Variants in SLC5A12 observed in about 807,000 individuals in gnomAD.
The protein encoded by SLC5A12 is sodium-coupled monocarboxylate transporter 2.
SLC5A12 carries 46 observed loss-of-function variants against 72.7 expected under a neutral mutation model. That is an observed-to-expected ratio of 0.63 (90% confidence interval 0.50 to 0.81). The LOEUF (loss-of-function observed/expected upper bound fraction) is 0.81, where lower values mean the gene tolerates loss of function less well. Among genes scored for constraint, SLC5A12 ranks in the 30% least tolerant of loss-of-function variants. SLC5A12 has a pLI of 0.00. For missense variants in SLC5A12, 683 were observed against 740.7 expected (o/e 0.92, Z 0.90); for synonymous variants, 275 against 264.4 (o/e 1.04, Z -0.39).
rs143310083 is a variant in SLC5A12 at position 26,708,886 on chromosome 11, G to A, written c.525+426C>T. Among the ~76,000 whole-genome samples the A allele has an allele frequency of 2.2e-4, 34 of 152,130 alleles. No homozygotes were observed. In the East Asian group the frequency reaches 6.6e-3, roughly 29 times the overall value. On this transcript the variant is annotated intron_variant, in intron 4 of 14. Coordinates refer to ENST00000396005, the MANE Select transcript of SLC5A12 (RefSeq NM_178498.4). ...GTGAAATCCTCAAGTTTATAAAATA[G>A]CAGCCATCACTGCTCACTTGTATGT... is the stretch of plus-strand genomic sequence containing the variant.
intron 6 of SLC5A12, among the ~76,000 whole-genome samples, chr11:26,700,823 A>G (rs1004790605): frequency 6.6e-6 from 1 of 152,240 alleles, no homozygotes; most frequent in Non-Finnish European, 1.5e-5. Flanking sequence ...TTTGGTGACT[A>G]ATCACATTTC....
intron 4 of SLC5A12, among the ~76,000 whole-genome samples, chr11:26,707,103 AAC>A (rs778067380): frequency 1.8e-4 from 28 of 151,934 alleles, no homozygotes; most frequent in Admixed American, 2.6e-4. Flanking sequence ...TTTTATCAAA[AAC>A]ACAATTATGA....
At chr11:26,685,016 A>G (rs1434086621) in intron 10 of SLC5A12, among the ~76,000 whole-genome samples, 1 of 152,226 alleles carries the variant, frequency 6.6e-6, no homozygotes, top group Non-Finnish European at 1.5e-5. Flanking sequence ...TGAAGGGATT[A>G]CAAAGCATCT....
At chr11:26,674,065 T>A (rs1051431307) in intron 13 of SLC5A12, among the ~76,000 whole-genome samples, 1 of 152,146 alleles carries the variant, frequency 6.6e-6, no homozygotes, top group Non-Finnish European at 1.5e-5. Context: ...CCTTTTCCCT[T>A]CCTTGAAACA....
intron 13 of SLC5A12, among the ~76,000 whole-genome samples, chr11:26,675,181 A>G (rs905999535): frequency 4.6e-5 from 7 of 152,142 alleles, no homozygotes; most frequent in African/African-American, 1.4e-4. Flanking sequence ...ATCATCAAAC[A>G]CTCCAACAAA....
chr11:26,677,380 A>G (rs549394922), intron 13 of SLC5A12, among the ~76,000 whole-genome samples: 1 of 152,302 alleles, frequency 6.6e-6, no homozygotes, highest in South Asian at 2.1e-4. Context: ...TGGTGCACAC[A>G]TGGAAAATAT....
chr11:26,707,263 C>T (rs1484022692), intron 4 of SLC5A12, among the ~76,000 whole-genome samples: 1 of 151,862 alleles, frequency 6.6e-6, no homozygotes, highest in South Asian at 2.1e-4. Context: ...ATTTGCTGTT[C>T]TACAGTTTCA....
At chr11:26,719,628 G>T (rs1590745513) in intron 1 of SLC5A12, among the ~76,000 whole-genome samples, 1 of 152,148 alleles carries the variant, frequency 6.6e-6, no homozygotes, top group South Asian at 2.1e-4. Context: ...TCCTTTTCTA[G>T]GGCCTTTGCA....
At chr11:26,702,260 C>T (rs867027177) in intron 6 of SLC5A12, among the ~76,000 whole-genome samples, 20 of 152,190 alleles carry the variant, frequency 1.3e-4, no homozygotes, top group East Asian at 3.9e-4. Flanking sequence ...ATTGATGGAA[C>T]GCCAGATAAT....
chr11:26,694,392 C>A (rs1288812003), intron 8 of SLC5A12, among the ~76,000 whole-genome samples: 1 of 152,100 alleles, frequency 6.6e-6, no homozygotes, highest in African/African-American at 2.4e-5. Flanking sequence ...AGCCATATTT[C>A]TCCAGTCTGG....
intron 6 of SLC5A12, among the ~76,000 whole-genome samples, chr11:26,701,932 TAA>T (rs1854966995): frequency 6.6e-6 from 1 of 152,128 alleles, no homozygotes; most frequent in Admixed American, 6.5e-5. Context: ...GAAAAATGAT[TAA>T]AAAGACACAT....
chr11:26,709,359 C>G lies in SLC5A12; in HGVS notation c.478G>C (p.Gly160Arg). 1.2e-6 allele frequency: 2 copies of G among 1,610,850 alleles called. No individual in the cohort carries two copies. The highest frequency in any genetic ancestry group is 1.1e-5 in the South Asian group (1 of 90,728). The change falls in exon 4 of 15, where the codon GGC becomes CGC. Residue 160 changes from glycine (G) to arginine (R), a missense_variant. Physicochemically the swap from Gly to Arg is moderately radical, Grantham distance 125 (BLOSUM62 -2). Transcript: ENST00000396005. The part of the protein sequence containing the change: ...LNQVTGFDLW[G>R]SVFATGIVCT... ...ACAATTCCTGTTGCAAACACAGAGC[C>G]CCAGAGATCAAACCCAGTCACTAGG...
In SLC5A12 at chr11:26,721,927, G is replaced by A. The variant is rs560711826; in HGVS notation, c.-213C>T. The A allele has an allele frequency of 2.9e-5, 16 of 553,238 alleles. No individual in the cohort carries two copies. Among genetic ancestry groups the A allele is most frequent in the African/African-American group, 2.5e-4 (13 of 53,018 alleles). 34.3% of individuals were successfully genotyped at this position (553,238 alleles called of 1,614,324 possible). On this transcript the variant is annotated 5_prime_UTR_variant, in exon 1 of 15. Transcript: ENST00000396005. ...AGTTGACTTCAAAGAAGAATCTGGT[G>A]GTGGTATTGGCACCAAGAGATGAGA...
At chr11:26,704,023 A>T in intron 4 of SLC5A12, 76 bp from the exon 5 acceptor site, 1 of 1,441,982 alleles carries the variant, frequency 6.9e-7, no homozygotes, top group East Asian at 2.3e-5. Context: ...CTCTCTGCTA[A>T]TGCATGCATG....
chr11:26,686,846 G>T (rs1854547629), intron 9 of SLC5A12, among the ~76,000 whole-genome samples: 1 of 152,176 alleles, frequency 6.6e-6, no homozygotes, highest in Non-Finnish European at 1.5e-5. Context: ...ATGAAAATGT[G>T]GGAGAGGTCC....
At position 26,680,372 on chromosome 11, in the gene SLC5A12, C is replaced by CATATATATGTATATATATGT. The variant is rs1355114455; in HGVS notation, c.1475+682_1475+683insACATATATATACATATATAT. Among the ~76,000 whole-genome samples, 191 of 83,572 alleles carry CATATATATGTATATATATGT rather than the reference C, an allele frequency of 2.3e-3. 2 individuals carry two copies. The highest frequency in any genetic ancestry group is 5.5e-3 in the South Asian group (14 of 2,564). The allele number at this position is 83,572 out of a possible 152,430, so 54.8% of individuals were successfully genotyped here. On this transcript the variant is annotated intron_variant, in intron 12 of 14. Coordinates refer to ENST00000396005, the MANE Select transcript of SLC5A12 (RefSeq NM_178498.4). Reference sequence around the variant, plus strand: ...ATTCATATATATATGTATATATATTCATATATATATGTATATATATTCATA... The same window carrying CATATATATGTATATATATGT: ...ATTCATATATATATGTATATATATTCATATATATGTATATATATGTATATATATATGTATATATATTCATA...
chr11:26,707,854 G>A (rs931983551), intron 4 of SLC5A12, among the ~76,000 whole-genome samples: 1 of 151,930 alleles, frequency 6.6e-6, no homozygotes, highest in Non-Finnish European at 1.5e-5. Flanking sequence ...ATATCTTATA[G>A]TCTTCAGTTG....
chr11:26,701,431 A>G (rs888410697), intron 6 of SLC5A12, among the ~76,000 whole-genome samples: 2 of 152,204 alleles, frequency 1.3e-5, no homozygotes, highest in African/African-American at 2.4e-5. Flanking sequence ...AATTATGTAC[A>G]TTTCTGTCTT....
intron 1 of SLC5A12, among the ~76,000 whole-genome samples, chr11:26,714,967 T>C (rs1487769895): frequency 6.6e-6 from 1 of 152,124 alleles, no homozygotes; most frequent in East Asian, 1.9e-4. Flanking sequence ...AGGAAAATAT[T>C]ACAGAGGAAG....
Sources: gnomAD v4.1 joint callset for allele counts (sites outside exome capture counted in the v4.1 genomes callset) on GRCh38, gnomAD v4.1.1 for gene constraint, MANE v1.5 for transcripts, NCBI Gene and HGNC (gene_info 2026-07-23, HGNC 2026-07-21) for gene names.